Variants in LEKR1 observed in about 807,000 individuals in gnomAD.
LEKR1 encodes protein LEKR1.
A neutral mutation model predicts 72.4 loss-of-function variants in LEKR1; 59 were observed. The ratio of observed to expected loss-of-function variants is 0.82; its 90% CI spans 0.66 to 1.01. LEKR1 has a LOEUF of 1.01. Ranked by LOEUF, LEKR1 falls within the 50% of genes least tolerant of loss-of-function variation. LEKR1 has a pLI of 0.00. For synonymous variants in LEKR1, 257 were observed against 263.2 expected (o/e 0.98, Z 0.23); for missense variants, 728 against 759.2 (o/e 0.96, Z 0.48).
intron 6 of LEKR1, among the ~76,000 whole-genome samples, chr3:156,954,389 T>C (rs760832209): frequency 6.6e-6 from 1 of 152,118 alleles, no homozygotes; most frequent in Non-Finnish European, 1.5e-5. Context: ...ATTATTGATT[T>C]TGTTGCTATT....
At chr3:156,960,343 T>G (rs1351253754) in intron 6 of LEKR1, among the ~76,000 whole-genome samples, 1 of 152,188 alleles carries the variant, frequency 6.6e-6, no homozygotes, top group African/African-American at 2.4e-5. Context: ...TGGAGTGCAG[T>G]GGCGCGATCT....
intron 4 of LEKR1, among the ~76,000 whole-genome samples, chr3:156,924,335 A>T (rs1302163376): frequency 1.3e-5 from 2 of 152,078 alleles, no homozygotes; most frequent in African/African-American, 4.8e-5. Flanking sequence ...TTATTATGTG[A>T]TTGTAAGAGT....
chr3:156,839,777 A>G (rs962014465), intron 2 of LEKR1, among the ~76,000 whole-genome samples: 8 of 152,242 alleles, frequency 5.3e-5, no homozygotes, highest in Non-Finnish European at 1.2e-4. Flanking sequence ...CACTTCTTTT[A>G]CAACATGAAC....
At chr3:156,953,291 G>T (rs1336906649) in intron 6 of LEKR1, among the ~76,000 whole-genome samples, 1 of 151,378 alleles carries the variant, frequency 6.6e-6, no homozygotes, top group African/African-American at 2.4e-5. Context: ...TTGTACACTA[G>T]TTTAGTGCAT....
chr3:157,020,255 TTTATTATTATTA>T lies in LEKR1; in HGVS notation c.1204-4476_1204-4465del, dbSNP rs139276879. Among the ~76,000 whole-genome samples, 360 of 140,378 alleles carry T rather than the reference TTTATTATTATTA, an allele frequency of 2.6e-3. 2 individuals carry two copies. The highest frequency in any genetic ancestry group is 8.4e-3 in the African/African-American group (319 of 38,148). 92.1% of individuals were successfully genotyped at this position (140,378 alleles called of 152,430 possible). On this transcript the variant is annotated intron_variant, in intron 10 of 12. Coordinates refer to ENST00000356539, the MANE Select transcript of LEKR1 (RefSeq NM_001004316.3). ...ATCAAAGGGACCCTGCTGATTTTCT[TTTATTATTATTA>T]TTATTATTATTATTATTATTATTAT... is the stretch of plus-strand genomic sequence containing the variant.
chr3:156,964,758 G>GT (rs780429314), intron 6 of LEKR1, among the ~76,000 whole-genome samples: 25 of 152,216 alleles, frequency 1.6e-4, no homozygotes, highest in Non-Finnish European at 3.1e-4. Flanking sequence ...AGGAATCTCT[G>GT]TAAGCATGAT....
intron 3 of LEKR1, among the ~76,000 whole-genome samples, chr3:156,863,156 C>G (rs1716953250): frequency 6.6e-6 from 1 of 151,956 alleles, no homozygotes; most frequent in African/African-American, 2.4e-5. Context: ...TTAAGCAAGG[C>G]TGACTTTAAC....
At chr3:156,941,259 C>T (rs535234596) in intron 5 of LEKR1, among the ~76,000 whole-genome samples, 12 of 152,184 alleles carry the variant, frequency 7.9e-5, no homozygotes, top group African/African-American at 2.9e-4. Flanking sequence ...GAGAAAGTGC[C>T]AGACCCCTTG....
chr3:156,839,414 A>C (rs1202179806), intron 2 of LEKR1, among the ~76,000 whole-genome samples: 2 of 152,236 alleles, frequency 1.3e-5, no homozygotes, highest in Non-Finnish European at 2.9e-5. Flanking sequence ...TTATAGAAAA[A>C]GCTGTGAAAG....
At chr3:157,007,031 C>T (rs1576986228) in intron 9 of LEKR1, among the ~76,000 whole-genome samples, 1 of 151,258 alleles carries the variant, frequency 6.6e-6, no homozygotes, top group South Asian at 2.1e-4. Context: ...AACCCCGTCT[C>T]TACTAAAAAA....
intron 12 of LEKR1, among the ~76,000 whole-genome samples, chr3:157,033,066 ATGT>A (rs1734732666): frequency 6.6e-6 from 1 of 152,142 alleles, no homozygotes; most frequent in South Asian, 2.1e-4. Flanking sequence ...TAATAGATAA[ATGT>A]TGTGTGTGTT....
chr3:157,026,930 C>T (rs1458067192), intron 11 of LEKR1, among the ~76,000 whole-genome samples: 1 of 152,186 alleles, frequency 6.6e-6, no homozygotes, highest in African/African-American at 2.4e-5. Context: ...TTCTCTCATT[C>T]ATTTATCTAG....
At position 156,977,471 on chromosome 3, in the gene LEKR1, C is replaced by A. The variant is rs537756570; in HGVS notation, c.746-1723C>A. 35 of 459,646 alleles carry A rather than the reference C, an allele frequency of 7.6e-5. 1 individual carries two copies. Among genetic ancestry groups the A allele is most frequent in the African/African-American group, 7.0e-4 (34 of 48,278 alleles). 28.5% of individuals were successfully genotyped at this position (459,646 alleles called of 1,614,324 possible). On this transcript the variant is annotated intron_variant, in intron 6 of 12. Transcript: ENST00000356539. The stretch of plus-strand genomic sequence containing the variant: ...TGAACTCAGTGCCCACCCCTTGCAA[C>A]AAGCATTGTTGCAAGAGAATCTCCC...
At chr3:156,893,457 A>G (rs991850882) in intron 3 of LEKR1, among the ~76,000 whole-genome samples, 7 of 152,198 alleles carry the variant, frequency 4.6e-5, no homozygotes, top group African/African-American at 1.7e-4. Context: ...TGCAAACCTC[A>G]TGTTGAAATG....
At chr3:156,871,848 G>T (rs899460150) in intron 3 of LEKR1, among the ~76,000 whole-genome samples, 2 of 152,008 alleles carry the variant, frequency 1.3e-5, no homozygotes, top group African/African-American at 4.8e-5. Flanking sequence ...CTATTTTGTT[G>T]AGAATTTTTG....
intron 7 of LEKR1, 36 bp downstream of exon 7, chr3:156,979,311 C>T (rs1250213450): frequency 2.2e-6 from 2 of 923,884 alleles, no homozygotes; most frequent in African/African-American, 3.4e-5. Flanking sequence ...TATAACAGTG[C>T]TCTGTAGATG....
intron 6 of LEKR1, among the ~76,000 whole-genome samples, chr3:156,943,079 T>G (rs921776352): frequency 2.6e-5 from 4 of 151,936 alleles, no homozygotes; most frequent in African/African-American, 2.4e-5. Flanking sequence ...ATGAAAAAAT[T>G]TAAAGTGTTT....
At chr3:156,860,526 G>T (rs1291835238) in intron 3 of LEKR1, among the ~76,000 whole-genome samples, 2 of 152,216 alleles carry the variant, frequency 1.3e-5, no homozygotes, top group Non-Finnish European at 2.9e-5. Flanking sequence ...CAAAGGTCCA[G>T]AGATCCAGAC....
chr3:156,980,344 T>G (rs1202189239), intron 7 of LEKR1, among the ~76,000 whole-genome samples: 1 of 152,172 alleles, frequency 6.6e-6, no homozygotes, highest in African/African-American at 2.4e-5. Flanking sequence ...ATACTTGGAT[T>G]ATTTGTAACA....
Sources: gnomAD v4.1 joint callset for allele counts (sites outside exome capture counted in the v4.1 genomes callset) on GRCh38, gnomAD v4.1.1 for gene constraint, MANE v1.5 for transcripts, NCBI Gene and HGNC (gene_info 2026-07-23, HGNC 2026-07-21) for gene names.